Variants in USP53 observed in about 807,000 individuals in gnomAD.
USP53 encodes ubiquitin specific peptidase 53, also known as ubiquitin carboxyl-terminal hydrolase 53.
A neutral mutation model predicts 94.9 loss-of-function variants in USP53; 71 were observed. That is an observed-to-expected ratio of 0.75 (90% CI 0.62 to 0.91). USP53 has a LOEUF of 0.91. Ranked by LOEUF, USP53 falls within the 40% of genes least tolerant of loss-of-function variation. The pLI is 0.00. For synonymous variants in USP53, 375 were observed against 422.7 expected (o/e 0.89, Z 1.39); for missense variants, 1,173 against 1,281.0 (o/e 0.92, Z 1.29).
intron 7 of USP53, among the ~76,000 whole-genome samples, chr4:119,255,768 C>T (rs1196787791): frequency 1.3e-5 from 2 of 152,226 alleles, no homozygotes; most frequent in African/African-American, 4.8e-5. Flanking sequence ...ACTGTCCAAC[C>T]AGTCCCAATG....
chr4:119,256,207 A>C, intron 7 of USP53, 39 bp from the exon 8 acceptor site: 1 of 1,505,140 alleles, frequency 6.6e-7, no homozygotes, highest in Non-Finnish European at 9.1e-7. Flanking sequence ...GTTCCCTGCA[A>C]GATCAACAAC....
intron 3 of USP53, among the ~76,000 whole-genome samples, chr4:119,230,025 A>G (rs1208104382): frequency 1.3e-5 from 2 of 152,164 alleles, no homozygotes; most frequent in Non-Finnish European, 2.9e-5. Flanking sequence ...CTCGTTTTTC[A>G]ATATATAATA....
In USP53 at chr4:119,267,496, T is replaced by G; in HGVS notation, c.1135+14T>G. The G allele has an allele frequency of 6.2e-7, 1 of 1,600,912 alleles. No individual in the cohort carries two copies. The highest frequency in any genetic ancestry group is 8.5e-7 in the Non-Finnish European group (1 of 1,175,202). ...CAGAAAATATGGGTAATTCTTTCTTTTAAAAATTCTCAATGTTTTTCTATT... is the reference window on the plus strand; with the variant it reads ...CAGAAAATATGGGTAATTCTTTCTTGTAAAAATTCTCAATGTTTTTCTATT... On this transcript the variant is annotated intron_variant, in intron 13 of 18. Transcript: ENST00000692078.
At chr4:119,243,466 C>G (rs946453015) in intron 5 of USP53, among the ~76,000 whole-genome samples, 1 of 151,854 alleles carries the variant, frequency 6.6e-6, no homozygotes, top group Non-Finnish European at 1.5e-5. Context: ...CCATCACACT[C>G]CAGCTTGGGC....
intron 3 of USP53, chr4:119,219,521 T>G (rs1744230027): frequency 6.6e-6 from 1 of 152,248 alleles, no homozygotes; most frequent in Non-Finnish European, 1.5e-5. Context: ...TACATTGACA[T>G]TCATAGGTCT....
At chr4:119,268,443 T>C (rs1231153972) in intron 14 of USP53, 23 bp downstream of exon 14, 8 of 1,589,406 alleles carry the variant, frequency 5.0e-6, no homozygotes, top group Admixed American at 1.8e-5. Flanking sequence ...ATTGTCATTT[T>C]TACATAGTTC....
chr4:119,286,270 GA>G (rs1205068894), intron 17 of USP53, among the ~76,000 whole-genome samples: 1 of 150,548 alleles, frequency 6.6e-6, no homozygotes, highest in Non-Finnish European at 1.5e-5. Context: ...TTTTTTAGAT[GA>G]AATATATATT....
chr4:119,283,506 G>T (rs1753740637), intron 17 of USP53, among the ~76,000 whole-genome samples: 1 of 151,902 alleles, frequency 6.6e-6, no homozygotes, highest in Non-Finnish European at 1.5e-5. Flanking sequence ...ATAAATTTGG[G>T]ACAGTGGGAG....
chr4:119,234,465 T>G (rs1028533885), intron 3 of USP53, among the ~76,000 whole-genome samples: 2 of 152,240 alleles, frequency 1.3e-5, no homozygotes, highest in South Asian at 4.1e-4. Flanking sequence ...TATCTGTTTG[T>G]GTCTGTGCCC....
intron 7 of USP53, 49 bp downstream of exon 7, chr4:119,248,931 C>T (rs747527672): frequency 3.9e-5 from 63 of 1,603,940 alleles, no homozygotes; most frequent in Non-Finnish European, 4.8e-5. Context: ...AGTTTTCATT[C>T]CTTAGATGGT....
At chr4:119,256,667 G>C (rs920463086) in intron 9 of USP53, 144 bp downstream of exon 9, 1 of 846,536 alleles carries the variant, frequency 1.2e-6, no homozygotes, top group Non-Finnish European at 1.9e-6. Context: ...GATGTATTAA[G>C]TGATGTCTAT....
In USP53 at chr4:119,270,509, G is replaced by C. The variant is rs533757094; in HGVS notation, c.1435+672G>C. Among the ~76,000 whole-genome samples the C allele has an allele frequency of 2.6e-5, 4 of 151,926 alleles. No homozygotes were observed. The South Asian group carries it at 8.3e-4, about 32-fold the overall frequency. On this transcript the variant is annotated intron_variant, in intron 15 of 18. Coordinates refer to ENST00000692078, the MANE Select transcript of USP53 (RefSeq NM_001371395.1). ...TGGGATACTTGTATATATGTGTTTC[G>C]ATGTTTTAACTTACTTACAGATATA...
intron 15 of USP53, 24 bp from the exon 16 acceptor site, chr4:119,271,272 G>C: frequency 6.6e-7 from 1 of 1,526,610 alleles, no homozygotes; most frequent in Non-Finnish European, 8.7e-7. Context: ...TAATTCATGT[G>C]TATCTTTAAT....
intron 3 of USP53, among the ~76,000 whole-genome samples, chr4:119,229,957 GT>G (rs1351404921): frequency 6.6e-6 from 1 of 151,910 alleles, no homozygotes; most frequent in African/African-American, 2.4e-5. Flanking sequence ...TGATTACTTG[GT>G]TCATAGCATT....
intron 3 of USP53, among the ~76,000 whole-genome samples, chr4:119,229,717 C>A (rs1350028224): frequency 6.6e-6 from 1 of 152,102 alleles, no homozygotes; most frequent in Non-Finnish European, 1.5e-5. Context: ...ATTCCTTCAC[C>A]AGCCTCCCAA....
At chr4:119,283,395 T>G (rs17050457) in intron 17 of USP53, among the ~76,000 whole-genome samples, 7,340 of 151,970 alleles carry the variant, frequency 0.048, 243 homozygotes, top group Middle Eastern at 0.088. Flanking sequence ...ATTTGTGCTA[T>G]TTTTTAATCA....
At chr4:119,212,706 G>A (rs1186166089), upstream of USP53, 1 of 342,672 alleles carries the variant, frequency 2.9e-6, no homozygotes, top group East Asian at 7.6e-5. Context: ...CCAGCCGCCT[G>A]TGCTCCAGTT....
At chr4:119,284,324 T>C (rs886461334) in intron 17 of USP53, among the ~76,000 whole-genome samples, 10 of 151,700 alleles carry the variant, frequency 6.6e-5, no homozygotes, top group Admixed American at 1.3e-4. Context: ...AAAATGTTAA[T>C]AATAGCTGAA....
intron 16 of USP53, 38 bp downstream of exon 16, chr4:119,272,072 CTT>C: frequency 6.6e-7 from 1 of 1,519,180 alleles, no homozygotes; most frequent in Non-Finnish European, 8.8e-7. Context: ...TTCCATCACT[CTT>C]CTTTTTTGTT....
Sources: allele counts gnomAD v4.1 joint callset (sites outside exome capture counted in the v4.1 genomes callset), GRCh38; gene constraint gnomAD v4.1.1; transcripts MANE v1.5; gene names NCBI Gene and HGNC (gene_info 2026-07-23, HGNC 2026-07-21).